Variants in CCDC88A observed in about 807,000 individuals in gnomAD.
CCDC88A encodes coiled-coil and HOOK domain protein 88A.
In CCDC88A, 54 loss-of-function variants were observed where a neutral mutation model predicts 234.3. That is an observed-to-expected ratio of 0.23 (90% CI 0.19 to 0.29). The LOEUF (loss-of-function observed/expected upper bound fraction) is 0.29. CCDC88A is among the 10% of genes least tolerant of loss of function. The pLI is 1.00. For synonymous variants in CCDC88A, 753 were observed against 737.8 expected, an observed-to-expected ratio of 1.02 and a Z score of -0.33; for missense variants, 1,832 against 2,123.4, an observed-to-expected ratio of 0.86 and a Z score of 2.70.
rs773213685 is a variant in CCDC88A, at chr2:55,301,241, A to T, written c.4709T>A (p.Val1570Asp). The change falls in exon 28 of 33, where the codon GTT (valine) becomes GAT (aspartate). Residue 1570 changes from valine to aspartate, a missense_variant. Val to Asp is a radical substitution (Grantham distance 152, BLOSUM62 -3). This residue lies in a region of CCDC88A where 422 missense variants were observed against 416.5 expected (regional missense o/e 1.01). Transcript: ENST00000436346. ...TGATCCCGTACTAGAATCATCACTA[A>T]CACCTTGTGGACTTATGTCTTCAAA... ...TSFEDISPQG[V>D]SDDSSTGSRV... is the part of the protein sequence containing the mutation. 1 of 1,598,674 alleles carries T rather than the reference A, an allele frequency of 6.3e-7. No homozygotes were observed. Among genetic ancestry groups the T allele is most frequent in the Non-Finnish European group, 8.6e-7 (1 of 1,169,426 alleles).
chr2:55,314,011 C>A (rs1682662874), intron 22 of CCDC88A: 1 of 152,148 alleles, frequency 6.6e-6, no homozygotes, highest in African/African-American at 2.4e-5. Context: ...TTTCCTTCTT[C>A]TTGAATTTGG....
chr2:55,361,516 G>A (rs1400165301), intron 7 of CCDC88A, among the ~76,000 whole-genome samples: 1 of 152,054 alleles, frequency 6.6e-6, no homozygotes, highest in East Asian at 1.9e-4. Context: ...GTTTTATTCT[G>A]AAAAAAATCT....
intron 2 of CCDC88A, among the ~76,000 whole-genome samples, chr2:55,391,465 G>A (rs1182244485): frequency 1.3e-5 from 2 of 152,082 alleles, no homozygotes; most frequent in African/African-American, 4.8e-5. Context: ...ACAGTCAACA[G>A]AAACAGACCC....
At chr2:55,358,961 G>T (rs189912826) in intron 7 of CCDC88A, among the ~76,000 whole-genome samples, 1 of 152,178 alleles carries the variant, frequency 6.6e-6, no homozygotes, top group East Asian at 1.9e-4. Flanking sequence ...TTTTATTTGT[G>T]TATTTTCTTA....
intron 2 of CCDC88A, among the ~76,000 whole-genome samples, chr2:55,401,279 T>G (rs1678571607): frequency 6.7e-6 from 1 of 150,124 alleles, no homozygotes. Flanking sequence ...AAAAACAAAA[T>G]TTTAATTAGC....
intron 8 of CCDC88A, among the ~76,000 whole-genome samples, chr2:55,354,262 T>C (rs1447047171): frequency 1.3e-5 from 2 of 151,628 alleles, no homozygotes; most frequent in East Asian, 3.9e-4. Flanking sequence ...TGCCTCAGCC[T>C]CCCAGGTAAC....
At chr2:55,295,498 C>T in intron 31 of CCDC88A, 99 bp downstream of exon 31, 1 of 1,603,612 alleles carries the variant, frequency 6.2e-7, no homozygotes, top group South Asian at 1.1e-5. Flanking sequence ...TATAGAGGCT[C>T]AGGCATGTCT....
chr2:55,401,499 C>CATAT (rs70954117), intron 2 of CCDC88A, among the ~76,000 whole-genome samples: 3 of 54,618 alleles, frequency 5.5e-5, no homozygotes, highest in Non-Finnish European at 1.2e-4. Flanking sequence ...TGTGTGTATA[C>CATAT]ATATATATAT....
intron 5 of CCDC88A, among the ~76,000 whole-genome samples, chr2:55,371,170 T>C (rs1401654016): frequency 6.6e-6 from 1 of 152,164 alleles, no homozygotes; most frequent in Non-Finnish European, 1.5e-5. Flanking sequence ...AAAGCAAATA[T>C]AGTACATAAA....
chr2:55,383,426 C>A (rs1190742453), intron 3 of CCDC88A, among the ~76,000 whole-genome samples: 1 of 151,938 alleles, frequency 6.6e-6, no homozygotes, highest in African/African-American at 2.4e-5. Flanking sequence ...TGAAACCAGC[C>A]TGGCCAACAT....
intron 25 of CCDC88A, among the ~76,000 whole-genome samples, chr2:55,305,058 A>T (rs1289123870): frequency 6.6e-6 from 1 of 152,226 alleles, no homozygotes; most frequent in East Asian, 1.9e-4. Flanking sequence ...CAAGCTTAGT[A>T]AACACAGCTG....
intron 23 of CCDC88A, among the ~76,000 whole-genome samples, chr2:55,311,182 T>A (rs1212700501): frequency 1.3e-5 from 2 of 152,144 alleles, no homozygotes; most frequent in African/African-American, 2.4e-5. Context: ...CTTCTTAACC[T>A]AAAACAAGCC....
intron 3 of CCDC88A, among the ~76,000 whole-genome samples, chr2:55,382,083 C>A (rs977189736): frequency 9.9e-5 from 15 of 152,040 alleles, no homozygotes; most frequent in African/African-American, 3.6e-4. Flanking sequence ...GAAAGAATAC[C>A]TGACCAGTGT....
At position 55,290,232 on chromosome 2, in the gene CCDC88A, T is replaced by C. The variant is rs1239990289; in HGVS notation, c.*968A>G. On this transcript the variant is annotated 3_prime_UTR_variant, in exon 33 of 33. Coordinates refer to ENST00000436346, the MANE Select transcript of CCDC88A (RefSeq NM_001365480.1). ...AAAGGAGAAAAAAATCATTAATAAA[T>C]GATAGCCTTAATTATAAATGAGTTT... The C allele has an allele frequency of 1.3e-5, 2 of 152,520 alleles. No individual in the cohort carries two copies. Among genetic ancestry groups the C allele is most frequent in the Admixed American group, 6.5e-5 (1 of 15,272 alleles). The allele number at this position is 152,520 out of a possible 1,614,324, so 9.4% of individuals were successfully genotyped here. A position where few individuals can be genotyped will look rare whatever the true frequency, so the allele number is the denominator to read the frequency against.
chr2:55,358,462 A>G (rs766906076), intron 7 of CCDC88A, among the ~76,000 whole-genome samples: 10 of 152,268 alleles, frequency 6.6e-5, no homozygotes, highest in Non-Finnish European at 1.3e-4. Context: ...TCCATTTTCA[A>G]TCAAACTCTC....
intron 31 of CCDC88A, 163 bp from the exon 32 acceptor site, chr2:55,291,938 T>G: frequency 2.0e-6 from 1 of 499,270 alleles, no homozygotes; most frequent in South Asian, 3.1e-5. Context: ...AAGATCGATT[T>G]TTATATTTTA....
At chr2:55,365,134 G>C (rs1034187317) in intron 5 of CCDC88A, among the ~76,000 whole-genome samples, 1 of 152,032 alleles carries the variant, frequency 6.6e-6, no homozygotes, top group Non-Finnish European at 1.5e-5. Flanking sequence ...GAATTATTAG[G>C]ATAATAAAAT....
chr2:55,384,667 A>T (rs3861573), intron 3 of CCDC88A, among the ~76,000 whole-genome samples: 2,996 of 5,798 alleles, frequency 0.52, 890 homozygotes, highest in African/African-American at 0.74. Context: ...ATATATATAT[A>T]TTTTTTAAAG....
intron 5 of CCDC88A, among the ~76,000 whole-genome samples, chr2:55,368,167 T>C (rs543631419): frequency 6.6e-6 from 1 of 152,296 alleles, no homozygotes; most frequent in Non-Finnish European, 1.5e-5. Flanking sequence ...GGGTTGCCCA[T>C]TGAAAAAGAT....
Sources: allele counts gnomAD v4.1 joint callset (sites outside exome capture counted in the v4.1 genomes callset), GRCh38; gene constraint gnomAD v4.1.1; regional missense constraint gnomAD v4.1.1; transcripts MANE v1.5; gene names NCBI Gene and HGNC (gene_info 2026-07-23, HGNC 2026-07-21).